The following PCDH11X variants were observed in gnomAD, a reference collection of about 807,000 sequenced individuals.
PCDH11X encodes the protein protocadherin-11 X-linked.
PCDH11X carries 18 observed loss-of-function variants against 53.3 expected under a neutral mutation model. That is an observed-to-expected ratio of 0.34 (90% CI 0.23 to 0.50). The LOEUF is 0.50. Among genes scored for constraint, PCDH11X ranks in the 20% least tolerant of loss-of-function variants. The pLI, the probability that PCDH11X is intolerant of heterozygous loss-of-function variation, is 0.98. For synonymous variants in PCDH11X, 279 were observed against 393.3 expected (o/e 0.71, Z 3.44); for missense variants, 570 against 1,032.4 (o/e 0.55, Z 6.14).
chrX:92,300,883 G>A (rs34983930), intron 8 of PCDH11X, among the ~76,000 whole-genome samples: 3 of 112,024 alleles, frequency 2.7e-5, no homozygotes, highest in Non-Finnish European at 3.8e-5. Context: ...TTTCTGGTAC[G>A]TTTTGGTGCA....
chrX:92,172,369 T>C (rs1368731007), intron 6 of PCDH11X, among the ~76,000 whole-genome samples: 4 of 109,842 alleles, frequency 3.6e-5, no homozygotes, highest in African/African-American at 1.3e-4. Context: ...GTTTTATTTT[T>C]TGTTTTTGAT....
At chrX:92,255,088 T>A (rs1350295415) in intron 7 of PCDH11X, among the ~76,000 whole-genome samples, 1 of 103,519 alleles carries the variant, frequency 9.7e-6, no homozygotes, top group African/African-American at 3.6e-5. Flanking sequence ...CAATCAGACG[T>A]AGATTTGGTC....
At chrX:92,116,691 T>A (rs2064645592) in intron 6 of PCDH11X, among the ~76,000 whole-genome samples, 1 of 111,070 alleles carries the variant, frequency 9.0e-6, no homozygotes, top group Non-Finnish European at 1.9e-5. Context: ...GCTCAAGCGA[T>A]CCTCACTCCT....
At chrX:92,301,067 T>A (rs1012332707) in intron 8 of PCDH11X, among the ~76,000 whole-genome samples, 1 of 110,471 alleles carries the variant, frequency 9.1e-6, no homozygotes, top group African/African-American at 3.3e-5. Flanking sequence ...TGTGGGCAAG[T>A]GCTTGCTGGC....
At chrX:92,220,852 T>C (rs2066854166) in intron 7 of PCDH11X, among the ~76,000 whole-genome samples, 2 of 106,113 alleles carry the variant, frequency 1.9e-5, no homozygotes, top group Admixed American at 2.1e-4. Context: ...ATATACACCA[T>C]GGAATACTAT....
chrX:92,428,455 C>T (rs1246448594), intron 9 of PCDH11X, among the ~76,000 whole-genome samples: 1 of 110,938 alleles, frequency 9.0e-6, no homozygotes, highest in African/African-American at 3.3e-5. Context: ...CGGTGTCCCT[C>T]TTTATTTCCT....
Position 92,413,837 on chromosome X carries a change from T to G in PCDH11X, c.3343+25904T>G, listed in dbSNP as rs1242678712. ...ATTTATGAAAGAAGAAATATGTGTA[T>G]GTACAACTGAGCTTTATGCCTCTCC... On this transcript the variant is annotated intron_variant, in intron 9 of 10. Coordinates refer to ENST00000682573, the MANE Select transcript of PCDH11X (RefSeq NM_032968.5). 2.8e-5 allele frequency among the ~76,000 whole-genome samples: 3 copies of G among 107,306 alleles called. No homozygotes were observed. The East Asian group carries it at 9.1e-4, about 33-fold the overall frequency. 93.2% of individuals were successfully genotyped at this position (107,306 alleles called of 115,157 possible).
At position 91,940,407 on chromosome X, in the gene PCDH11X, G is replaced by A. The variant is rs530057358; in HGVS notation, c.3033+61134G>A. Among the ~76,000 whole-genome samples the A allele has an allele frequency of 1.5e-3, 165 of 111,843 alleles. 3 individuals are homozygous for A. The South Asian group carries it at 0.061, about 41-fold the overall frequency. On this transcript the variant is annotated intron_variant, in intron 6 of 10. Coordinates refer to ENST00000682573, the MANE Select transcript of PCDH11X (RefSeq NM_032968.5). ...AAAACATTAATGACAATATATTGGA[G>A]TTTATAACATATATAAGTAAAATGT...
intron 9 of PCDH11X, among the ~76,000 whole-genome samples, chrX:92,461,758 C>A (rs2073050493): frequency 9.0e-6 from 1 of 110,666 alleles, no homozygotes; most frequent in Admixed American, 9.6e-5. Context: ...AAACAATCAA[C>A]AAAGTGATGA....
chrX:92,090,073 C>T (rs892273456), intron 6 of PCDH11X, among the ~76,000 whole-genome samples: 7 of 110,484 alleles, frequency 6.3e-5, no homozygotes, highest in Non-Finnish European at 1.1e-4. Flanking sequence ...TGAACTACAT[C>T]GAATACCTAC....
At chrX:92,269,408 T>A (rs1266601283) in intron 8 of PCDH11X, among the ~76,000 whole-genome samples, 1 of 112,117 alleles carries the variant, frequency 8.9e-6, no homozygotes, top group Non-Finnish European at 1.9e-5. Context: ...CTAGCTATTG[T>A]TCTGAAATAT....
At chrX:92,389,421 T>C (rs908110322) in intron 9 of PCDH11X, among the ~76,000 whole-genome samples, 192 of 111,759 alleles carry the variant, frequency 1.7e-3, no homozygotes, top group African/African-American at 5.8e-3. Context: ...AGGTCTATCA[T>C]GCCCTGTTAA....
chrX:92,368,247 C>T (rs2070523858), intron 8 of PCDH11X, among the ~76,000 whole-genome samples: 1 of 110,274 alleles, frequency 9.1e-6, no homozygotes, highest in South Asian at 3.9e-4. Flanking sequence ...GTAAGTTGAT[C>T]TTTAATCTCA....
At chrX:92,548,452 T>C (rs2074896285) in intron 10 of PCDH11X, among the ~76,000 whole-genome samples, 1 of 112,040 alleles carries the variant, frequency 8.9e-6, no homozygotes, top group Non-Finnish European at 1.9e-5. Flanking sequence ...ATTGCAGGCA[T>C]GAGCCATCGC....
At chrX:92,549,502 G>T (rs371542293) in intron 10 of PCDH11X, among the ~76,000 whole-genome samples, 3 of 109,499 alleles carry the variant, frequency 2.7e-5, no homozygotes, top group Non-Finnish European at 5.7e-5. Flanking sequence ...ATGAGAAGTT[G>T]CATGAAAATG....
At chrX:92,065,953 T>C (rs2063601850) in intron 6 of PCDH11X, among the ~76,000 whole-genome samples, 1 of 112,007 alleles carries the variant, frequency 8.9e-6, no homozygotes, top group Non-Finnish European at 1.9e-5. Flanking sequence ...TCTTAGAGAG[T>C]TTCTCCAAAG....
chrX:92,126,524 G>A (rs1229321224), intron 6 of PCDH11X, among the ~76,000 whole-genome samples: 5 of 110,353 alleles, frequency 4.5e-5, no homozygotes, highest in African/African-American at 1.7e-4. Flanking sequence ...CAGGTGAATC[G>A]CTTTAACCTG....
chrX:92,330,146 A>T (rs780253777), intron 8 of PCDH11X, among the ~76,000 whole-genome samples: 1 of 110,638 alleles, frequency 9.0e-6, no homozygotes, highest in African/African-American at 3.3e-5. Context: ...TTAAAAAAAA[A>T]CTTAGAATGA....
intron 6 of PCDH11X, among the ~76,000 whole-genome samples, chrX:92,094,175 G>GTA (rs1182356953): frequency 2.2e-5 from 2 of 89,336 alleles, no homozygotes; most frequent in Non-Finnish European, 4.7e-5. Flanking sequence ...GTGTGTGTGT[G>GTA]TATATATATA....
Sources: allele counts gnomAD v4.1 joint callset (sites outside exome capture counted in the v4.1 genomes callset), GRCh38; gene constraint gnomAD v4.1.1; transcripts MANE v1.5; gene names NCBI Gene and HGNC (gene_info 2026-07-23, HGNC 2026-07-21).